Variants in RSPO2 observed in about 807,000 individuals in gnomAD.
RSPO2 encodes R-spondin 2.
Under a neutral mutation model 30.9 loss-of-function variants are expected in RSPO2, and 14 were observed. That is an observed-to-expected ratio of 0.45 (90% confidence interval 0.30 to 0.71). The LOEUF is 0.71. Ranked by LOEUF, RSPO2 falls within the 30% of genes least tolerant of loss-of-function variation. The pLI is 0.08. For missense variants in RSPO2, 264 were observed against 301.9 expected, an observed-to-expected ratio of 0.87 and a Z score of 0.93; for synonymous variants, 107 against 96.4, an observed-to-expected ratio of 1.11 and a Z score of -0.64.
At position 108,066,948 on chromosome 8, in the gene RSPO2, A is replaced by G. The variant is rs1021898901; in HGVS notation, c.94+15597T>C. ...ATATGAAGCACTCAGTATCACCTAC[A>G]CAGTGTTCCAGCCAAAAAAGTTGAA... On this transcript the variant is annotated intron_variant, in intron 2 of 5. Transcript: ENST00000276659. 3.9e-5 allele frequency among the ~76,000 whole-genome samples: 6 copies of G among 152,164 alleles called. 1 individual carries two copies. Among genetic ancestry groups the G allele is most frequent in the Admixed American group, 3.9e-4 (6 of 15,276 alleles).
intron 2 of RSPO2, among the ~76,000 whole-genome samples, chr8:108,024,077 A>G (rs1223462772): frequency 6.6e-6 from 1 of 152,134 alleles, no homozygotes; most frequent in East Asian, 1.9e-4. Context: ...AAAGTAGGGG[A>G]ATTTGACAAT....
intron 5 of RSPO2, among the ~76,000 whole-genome samples, chr8:107,908,956 C>A (rs1486330433): frequency 6.6e-6 from 1 of 152,178 alleles, no homozygotes; most frequent in Non-Finnish European, 1.5e-5. Context: ...TCACTAACTT[C>A]TGGTGCAGAA....
chr8:108,020,578 AT>A (rs966566153), intron 2 of RSPO2, among the ~76,000 whole-genome samples: 1 of 152,054 alleles, frequency 6.6e-6, no homozygotes. Context: ...CAATGTTCTT[AT>A]TTTTTTAGTT....
In RSPO2 at chr8:107,899,648, T is replaced by C. The variant is rs767350331; in HGVS notation, c.*1427A>G. 1.3e-5 allele frequency: 2 copies of C among 152,612 alleles called. No individual in the cohort carries two copies. Among genetic ancestry groups the C allele is most frequent in the Non-Finnish European group, 2.9e-5 (2 of 68,040 alleles). 9.5% of individuals were successfully genotyped at this position (152,612 alleles called of 1,614,324 possible). ...AAGGTGAAAAAAAAAAGGCTTTACC[T>C]TGCTTTGTTTCAAAATCCACAACCA... is the stretch of plus-strand genomic sequence containing the variant. On this transcript the variant is annotated 3_prime_UTR_variant, in exon 6 of 6. Transcript: ENST00000276659.
intron 2 of RSPO2, among the ~76,000 whole-genome samples, chr8:108,060,449 T>A (rs1812416321): frequency 6.6e-6 from 1 of 151,232 alleles, no homozygotes; most frequent in African/African-American, 2.4e-5. Context: ...GAAGATGAAA[T>A]GAATGAAATG....
chr8:107,998,684 GA>G lies in RSPO2; in HGVS notation c.95-9441del, dbSNP rs533039622. ...GCTATATTAACATAAATTTAATCTA[GA>G]AAAAAATTGATAATCAAGATCAAAG... On this transcript the variant is annotated intron_variant, in intron 2 of 5. Coordinates refer to ENST00000276659, the MANE Select transcript of RSPO2 (RefSeq NM_178565.5). Among the ~76,000 whole-genome samples the G allele has an allele frequency of 5.4e-3, 816 of 151,978 alleles. 8 individuals are homozygous for G. The highest frequency in any genetic ancestry group is 0.019 in the African/African-American group (768 of 41,436).
intron 3 of RSPO2, among the ~76,000 whole-genome samples, chr8:107,978,301 T>A (rs982751021): frequency 4.6e-5 from 7 of 151,886 alleles, no homozygotes; most frequent in African/African-American, 1.7e-4. Context: ...GTGGTTGGCA[T>A]CTGTAATCCC....
intron 2 of RSPO2, among the ~76,000 whole-genome samples, chr8:108,022,379 A>C (rs1258965893): frequency 6.6e-6 from 1 of 152,182 alleles, no homozygotes; most frequent in Non-Finnish European, 1.5e-5. Context: ...TAATTTTCTT[A>C]AAGTCATCAA....
At chr8:108,053,880 C>T (rs1291097455) in intron 2 of RSPO2, among the ~76,000 whole-genome samples, 1 of 152,098 alleles carries the variant, frequency 6.6e-6, no homozygotes, top group East Asian at 1.9e-4. Context: ...CCAGCCTGGG[C>T]AGCAGAGCGA....
chr8:108,059,403 G>A (rs1322543179), intron 2 of RSPO2, among the ~76,000 whole-genome samples: 5 of 151,592 alleles, frequency 3.3e-5, no homozygotes, highest in Non-Finnish European at 7.4e-5. Flanking sequence ...CACTGTTGGT[G>A]GGACTGTAAA....
chr8:108,077,332 G>T (rs1484763011), intron 2 of RSPO2, among the ~76,000 whole-genome samples: 1 of 152,050 alleles, frequency 6.6e-6, no homozygotes, highest in Non-Finnish European at 1.5e-5. Context: ...AAGAAGGAGG[G>T]AATCAGCAAT....
chr8:107,923,860 T>C (rs147400584), intron 5 of RSPO2, among the ~76,000 whole-genome samples: 21 of 152,162 alleles, frequency 1.4e-4, no homozygotes, highest in Middle Eastern at 6.8e-3. Context: ...AAATACCCCA[T>C]GTTCTCAATT....
intron 2 of RSPO2, among the ~76,000 whole-genome samples, chr8:108,015,624 C>T (rs1810867249): frequency 6.6e-6 from 1 of 151,150 alleles, no homozygotes; most frequent in Admixed American, 6.6e-5. Context: ...AAATGCCTCA[C>T]CCCCAACCCT....
At chr8:107,946,459 A>G (rs1813061711) in intron 5 of RSPO2, among the ~76,000 whole-genome samples, 1 of 152,224 alleles carries the variant, frequency 6.6e-6, no homozygotes, top group Non-Finnish European at 1.5e-5. Flanking sequence ...TTAGTTGCAC[A>G]TGCTGGCAGG....
chr8:108,006,634 A>C (rs1387413146), intron 2 of RSPO2, among the ~76,000 whole-genome samples: 1 of 152,080 alleles, frequency 6.6e-6, no homozygotes, highest in African/African-American at 2.4e-5. Context: ...ATTCAAGAAG[A>C]AAGAAGGATA....
rs571938907 is a variant in RSPO2, at chr8:107,998,998, C to T, written c.95-9754G>A. Among the ~76,000 whole-genome samples, 8 of 152,190 alleles carry T rather than the reference C, an allele frequency of 5.3e-5. No individual in the cohort carries two copies. In the South Asian group the frequency reaches 8.3e-4, roughly 16 times the overall value. ...AGCAGAAGTTGCAGTGAGTTGGGATCGTGCGCCACTGTACTCCAGTCAGTA... is the reference window on the plus strand; with the variant it reads ...AGCAGAAGTTGCAGTGAGTTGGGATTGTGCGCCACTGTACTCCAGTCAGTA... On this transcript the variant is annotated intron_variant, in intron 2 of 5. Coordinates refer to ENST00000276659, the MANE Select transcript of RSPO2 (RefSeq NM_178565.5).
At position 108,003,051 on chromosome 8, in the gene RSPO2, ATT is replaced by A. The variant is rs35346404; in HGVS notation, c.95-13809_95-13808del. 4.0e-3 allele frequency among the ~76,000 whole-genome samples: 548 copies of A among 136,324 alleles called. 1 individual carries two copies. Among genetic ancestry groups the A allele is most frequent in the Middle Eastern group, 0.019 (5 of 270 alleles). 89.4% of individuals were successfully genotyped at this position (136,324 alleles called of 152,430 possible). ...CTTGCACAGAATTTAGACCTCAATA[ATT>A]TTTTTTTTTTTTTTTGAGACAGAGT... On this transcript the variant is annotated intron_variant, in intron 2 of 5. Coordinates refer to ENST00000276659, the MANE Select transcript of RSPO2 (RefSeq NM_178565.5).
At chr8:107,974,631 T>C (rs2130482103) in intron 3 of RSPO2, among the ~76,000 whole-genome samples, 1 of 152,120 alleles carries the variant, frequency 6.6e-6, no homozygotes. Context: ...TTTGGAGAAA[T>C]ACTACCTTTG....
chr8:108,066,176 A>G (rs1457295295), intron 2 of RSPO2, among the ~76,000 whole-genome samples: 1 of 152,240 alleles, frequency 6.6e-6, no homozygotes, highest in African/African-American at 2.4e-5. Context: ...AATCCTTCTC[A>G]GGTGACATTA....
Sources: gnomAD v4.1 joint callset for allele counts (sites outside exome capture counted in the v4.1 genomes callset) on GRCh38, gnomAD v4.1.1 for gene constraint, MANE v1.5 for transcripts, NCBI Gene and HGNC (gene_info 2026-07-23, HGNC 2026-07-21) for gene names.